The following OR5A2 variants were observed in gnomAD, a reference collection of about 807,000 sequenced individuals.
OR5A2 encodes olfactory receptor 5A2.
For synonymous variants in OR5A2, 155 were observed against 151.1 expected (o/e 1.03, Z -0.19); for missense variants, 406 against 398.9 (o/e 1.02, Z -0.15).
intron 1 of OR5A2, chr11:59,425,209 G>T (rs1858288492): frequency 6.6e-6 from 1 of 152,204 alleles, no homozygotes; most frequent in Non-Finnish European, 1.5e-5. Context: ...AATTTGGCGA[G>T]TAGGGGCTTG....
At position 59,420,041 on chromosome 11, in the gene OR5A2, A is replaced by G. The variant is rs1858203685; in HGVS notation, c.*1938T>C. 6.6e-6 allele frequency: 1 copy of G among 152,290 alleles called. No homozygotes were observed. The highest frequency in any genetic ancestry group is 6.5e-5 in the Admixed American group (1 of 15,292). 9.4% of individuals were successfully genotyped at this position (152,290 alleles called of 1,614,324 possible). A position where few individuals can be genotyped will look rare whatever the true frequency, so the allele number is the denominator to read the frequency against. ...TTTTGATTTTCTTCCTTGTTATGCT[A>G]CAGTCAGATTGTAAAGTAAGTCACT... is the stretch of plus-strand genomic sequence containing the variant. On this transcript the variant is annotated 3_prime_UTR_variant, in exon 2 of 2. Coordinates refer to ENST00000302040, the MANE Select transcript of OR5A2 (RefSeq NM_001001954.2).
rs1334651065 is a variant in OR5A2, at chr11:59,419,287, C to CCTTGA, written c.*2687_*2691dup. The CCTTGA allele has an allele frequency of 1.3e-5, 2 of 152,154 alleles. No individual in the cohort carries two copies. Among genetic ancestry groups the CCTTGA allele is most frequent in the African/African-American group, 4.8e-5 (2 of 41,450 alleles). 9.4% of individuals were successfully genotyped at this position (152,154 alleles called of 1,614,324 possible). A position where few individuals can be genotyped will look rare whatever the true frequency, so the allele number is the denominator to read the frequency against. The stretch of plus-strand genomic sequence containing the variant: ...CTTTTTAACACATTACCCGGATTTT[C>CCTTGA]CTTGACTTATATAAAACTGAGTAAA... On this transcript the variant is annotated 3_prime_UTR_variant, in exon 2 of 2. Transcript: ENST00000302040.
chr11:59,417,892 A>G lies in OR5A2; in HGVS notation c.*4087T>C, dbSNP rs1452743926. 2.6e-5 allele frequency: 4 copies of G among 152,082 alleles called. No homozygotes were observed. Among genetic ancestry groups the G allele is most frequent in the Admixed American group, 1.3e-4 (2 of 15,250 alleles). 9.4% of individuals were successfully genotyped at this position (152,082 alleles called of 1,614,324 possible). ...AAAGAAAAAAAGTAAGTGAATGTTG[A>G]TGGTGCATAGGACAACAACAAGGTG... is the stretch of plus-strand genomic sequence containing the variant. On this transcript the variant is annotated 3_prime_UTR_variant, in exon 2 of 2. Transcript: ENST00000302040.
At chr11:59,425,820 T>C (rs1305722572) in intron 1 of OR5A2, 1 of 152,184 alleles carries the variant, frequency 6.6e-6, no homozygotes, top group Non-Finnish European at 1.5e-5. Flanking sequence ...AAATAGATTT[T>C]TTTCCACCAC....
At chr11:59,423,919 A>G (rs1854970234) in intron 1 of OR5A2, 1 of 152,266 alleles carries the variant, frequency 6.6e-6, no homozygotes, top group South Asian at 2.1e-4. Context: ...CATTGTGGTC[A>G]AGAACAAACA....
In OR5A2 at chr11:59,422,877, ATCT is replaced by A. The variant is rs576571366; in HGVS notation, c.74_76del (p.Lys25del). On this transcript the variant is annotated inframe_deletion, in exon 2 of 2. Transcript: ENST00000302040. ...CCCCAGAAATAACATGAAAAGGAAA[ATCT>A]TCATTTGAGGATGGTCTGAAAGTCC... 1.3e-4 allele frequency: 204 copies of A among 1,614,118 alleles called. No individual in the cohort carries two copies. The African/African-American group carries it at 2.5e-3, about 20-fold the overall frequency.
rs544595500 is a variant in OR5A2, at chr11:59,422,801, C to G, written c.153G>C (p.Lys51Asn). Residue 51 changes from lysine to asparagine, a missense_variant, in exon 2 of 2, where the codon AAG becomes AAC. Coordinates refer to ENST00000302040, the MANE Select transcript of OR5A2 (RefSeq NM_001001954.2). ...AWNLSLIALIKMDSHLHMPMY... is the reference protein window; with the variant it reads ...AWNLSLIALINMDSHLHMPMY... ...TGGGCATGTGCAGGTGAGAGTCCATCTTAATGAGGGCAATGAGGCTTAAGT... is the reference window on the plus strand; with the variant it reads ...TGGGCATGTGCAGGTGAGAGTCCATGTTAATGAGGGCAATGAGGCTTAAGT... The G allele has an allele frequency of 6.2e-7, 1 of 1,614,010 alleles. No homozygotes were observed. Among genetic ancestry groups the G allele is most frequent in the Non-Finnish European group, 8.5e-7 (1 of 1,180,028 alleles).
At position 59,422,219 on chromosome 11, in the gene OR5A2, G is replaced by A. The variant is rs1215345489; in HGVS notation, c.735C>T (p.His245=). 1.2e-6 allele frequency: 2 copies of A among 1,614,178 alleles called. No individual in the cohort carries two copies. Among genetic ancestry groups the A allele is most frequent in the Admixed American group, 1.7e-5 (1 of 60,024 alleles). The part of the protein sequence containing the change: ...RTKAFSTCAS[H]LTAVTLFYGS... Reference sequence around the variant, plus strand: ...CATAGAAGAGGGTCACAGCAGTCAGGTGAGAGGCACAAGTGCTGAAGGCCT... The same window carrying A: ...CATAGAAGAGGGTCACAGCAGTCAGATGAGAGGCACAAGTGCTGAAGGCCT... Residue 245 remains histidine (H), a synonymous_variant, in exon 2 of 2, where the codon CAC becomes CAT. Coordinates refer to ENST00000302040, the MANE Select transcript of OR5A2 (RefSeq NM_001001954.2).
At position 59,422,549 on chromosome 11, in the gene OR5A2, G is replaced by T. The variant is rs865786506; in HGVS notation, c.405C>A (p.Val135=). Residue 135 remains valine (V), a synonymous_variant, in exon 2 of 2, where the codon GTC becomes GTA. Coordinates refer to ENST00000302040, the MANE Select transcript of OR5A2 (RefSeq NM_001001954.2). ...AAICNPLLYT[V]LISHTLCLKM... ...TTAAACAAAGTGTATGGGATATGAG[G>T]ACTGTGTAAAGCAAGGGGTTGCAGA... 1 of 1,614,148 alleles carries T rather than the reference G, an allele frequency of 6.2e-7. No homozygotes were observed. Among genetic ancestry groups the T allele is most frequent in the Middle Eastern group, 1.6e-4 (1 of 6,062 alleles).
rs921323421 is a variant in OR5A2 at position 59,417,633 on chromosome 11, T to C, written c.*4346A>G. On this transcript the variant is annotated 3_prime_UTR_variant, in exon 2 of 2. Transcript: ENST00000302040. The stretch of plus-strand genomic sequence containing the variant: ...ACATGCAAGATAGTCAGGTTGCCCC[T>C]GCTTGCTTTTATGTCAGGGAGATCC... 2.6e-5 allele frequency: 4 copies of C among 152,074 alleles called. No individual in the cohort carries two copies. The highest frequency in any genetic ancestry group is 9.7e-5 in the African/African-American group (4 of 41,434). The allele number at this position is 152,074 out of a possible 1,614,324, so 9.4% of individuals were successfully genotyped here.
chr11:59,424,350 A>G (rs1858268770), intron 1 of OR5A2: 1 of 152,362 alleles, frequency 6.6e-6, no homozygotes, highest in African/African-American at 2.4e-5. Flanking sequence ...GGTTGCAGTG[A>G]GCTGAGATCG....
chr11:59,417,164 G>A lies in OR5A2; in HGVS notation c.*4815C>T, dbSNP rs1323423240. On this transcript the variant is annotated 3_prime_UTR_variant, in exon 2 of 2. Coordinates refer to ENST00000302040, the MANE Select transcript of OR5A2 (RefSeq NM_001001954.2). ...CTCTGTTTTTCTATGAGGTCTCCCCGGGTCCCAGCTGCCGGTTTATTTATA... is the reference window on the plus strand; with the variant it reads ...CTCTGTTTTTCTATGAGGTCTCCCCAGGTCCCAGCTGCCGGTTTATTTATA... 6.6e-6 allele frequency: 1 copy of A among 151,896 alleles called. No homozygotes were observed. The highest frequency in any genetic ancestry group is 1.5e-5 in the Non-Finnish European group (1 of 67,968). The allele number at this position is 151,896 out of a possible 1,614,324, so 9.4% of individuals were successfully genotyped here. A position where few individuals can be genotyped will look rare whatever the true frequency, so the allele number is the denominator to read the frequency against.
chr11:59,423,077 T>A, intron 1 of OR5A2, 33 bp from the exon 2 acceptor site: 2 of 1,002,250 alleles, frequency 2.0e-6, no homozygotes, highest in Non-Finnish European at 3.0e-6. Flanking sequence ...AGCAACAAGT[T>A]AAACTACACC....
rs1247174419 is a variant in OR5A2, at chr11:59,419,991, A to G, written c.*1988T>C. 1.3e-5 allele frequency: 2 copies of G among 152,190 alleles called. No individual in the cohort carries two copies. Among genetic ancestry groups the G allele is most frequent in the Non-Finnish European group, 2.9e-5 (2 of 68,030 alleles). 9.4% of individuals were successfully genotyped at this position (152,190 alleles called of 1,614,324 possible). A position where few individuals can be genotyped will look rare whatever the true frequency, so the allele number is the denominator to read the frequency against. On this transcript the variant is annotated 3_prime_UTR_variant, in exon 2 of 2. Coordinates refer to ENST00000302040, the MANE Select transcript of OR5A2 (RefSeq NM_001001954.2). ...TGCAAGGCAATTTCAAGGTATGTCA[A>G]GGAAATATATTTTTGTGTAAAACAT...
rs1858207426 is a variant in OR5A2 at position 59,420,373 on chromosome 11, C to T, written c.*1606G>A. 2 of 152,046 alleles carry T rather than the reference C, an allele frequency of 1.3e-5. No homozygotes were observed. Among genetic ancestry groups the T allele is most frequent in the Non-Finnish European group, 2.9e-5 (2 of 67,988 alleles). The allele number at this position is 152,046 out of a possible 1,614,324, so 9.4% of individuals were successfully genotyped here. ...AAAGCCATTGCAAAAATTACATTTCCTACCAAACTAAGGAAATCTCTTCTA... is the reference window on the plus strand; with the variant it reads ...AAAGCCATTGCAAAAATTACATTTCTTACCAAACTAAGGAAATCTCTTCTA... On this transcript the variant is annotated 3_prime_UTR_variant, in exon 2 of 2. Coordinates refer to ENST00000302040, the MANE Select transcript of OR5A2 (RefSeq NM_001001954.2).
rs1469573274 is a variant in OR5A2 at position 59,417,968 on chromosome 11, C to T, written c.*4011G>A. The stretch of plus-strand genomic sequence containing the variant: ...ATAAAATCAGCCCGTGGTTTCACTA[C>T]GCACTCTCTGTGTGTAAATTGTGTC... On this transcript the variant is annotated 3_prime_UTR_variant, in exon 2 of 2. Coordinates refer to ENST00000302040, the MANE Select transcript of OR5A2 (RefSeq NM_001001954.2). The T allele has an allele frequency of 2.6e-5, 4 of 152,036 alleles. No individual in the cohort carries two copies. The highest frequency in any genetic ancestry group is 5.9e-5 in the Non-Finnish European group (4 of 67,996). 9.4% of individuals were successfully genotyped at this position (152,036 alleles called of 1,614,324 possible). A position where few individuals can be genotyped will look rare whatever the true frequency, so the allele number is the denominator to read the frequency against.
rs1858221388 is a variant in OR5A2 at position 59,421,624 on chromosome 11, AGGTCATTAT to A, written c.*346_*354del. 5.5e-6 allele frequency: 1 copy of A among 183,054 alleles called. No homozygotes were observed. Among genetic ancestry groups the A allele is most frequent in the Admixed American group, 5.4e-5 (1 of 18,636 alleles). 11.3% of individuals were successfully genotyped at this position (183,054 alleles called of 1,614,324 possible). On this transcript the variant is annotated 3_prime_UTR_variant, in exon 2 of 2. Transcript: ENST00000302040. ...GTTTAGAAAAAACATCATCCTCTTC[AGGTCATTAT>A]ACCATGTTGTACCTTAAATATCACC...
In OR5A2 at chr11:59,419,779, T is replaced by G. The variant is rs1293895692; in HGVS notation, c.*2200A>C. On this transcript the variant is annotated 3_prime_UTR_variant, in exon 2 of 2. Transcript: ENST00000302040. ...AAGGTAAAGGATTGTGGAGACCAAG[T>G]TTTATTGTGCAGAAGAAGCTCTCAG... 2.0e-5 allele frequency: 3 copies of G among 152,046 alleles called. No homozygotes were observed. The highest frequency in any genetic ancestry group is 4.4e-5 in the Non-Finnish European group (3 of 68,014). 9.4% of individuals were successfully genotyped at this position (152,046 alleles called of 1,614,324 possible).
Position 59,422,046 on chromosome 11 carries a change from C to T in OR5A2, c.908G>A (p.Arg303Lys). ...CCCGGGGTCCCTTTCCATGGCTTTCCTCATGGCATTTTTAATCTCCTTATT... is the reference window on the plus strand; with the variant it reads ...CCCGGGGTCCCTTTCCATGGCTTTCTTCATGGCATTTTTAATCTCCTTATT... ...FRNKEIKNAM[R>K]KAMERDPGIS... Residue 303 changes from arginine to lysine, a missense_variant, in exon 2 of 2, where the codon AGG (arginine) becomes AAG (lysine). By Grantham distance (26) the Arg-to-Lys change is conservative. Coordinates refer to ENST00000302040, the MANE Select transcript of OR5A2 (RefSeq NM_001001954.2). The T allele has an allele frequency of 1.2e-6, 2 of 1,613,928 alleles. No homozygotes were observed. Among genetic ancestry groups the T allele is most frequent in the Non-Finnish European group, 1.7e-6 (2 of 1,179,876 alleles).
Sources: gnomAD v4.1 joint callset for allele counts on GRCh38, gnomAD v4.1.1 for gene constraint, MANE v1.5 for transcripts, NCBI Gene and HGNC (gene_info 2026-07-23, HGNC 2026-07-21) for gene names.